Variants in KIF5C observed in about 807,000 individuals in gnomAD.
KIF5C encodes kinesin heavy chain isoform 5C.
A neutral mutation model predicts 125.2 loss-of-function variants in KIF5C; 18 were observed. The observed-to-expected ratio is 0.14, with a 90% CI of 0.10 to 0.21. The LOEUF is 0.21. KIF5C is among the 10% of genes least tolerant of loss of function. The pLI, the probability that KIF5C is intolerant of heterozygous loss-of-function variation, is 1.00. For synonymous variants in KIF5C, 405 were observed against 434.0 expected, an observed-to-expected ratio of 0.93 and a Z score of 0.83; for missense variants, 780 against 1,183.8, an observed-to-expected ratio of 0.66 and a Z score of 5.01.
At chr2:148,937,216 G>C in intron 3 of KIF5C, 68 bp from the exon 4 acceptor site, 1 of 1,534,158 alleles carries the variant, frequency 6.5e-7, no homozygotes, top group African/African-American at 1.4e-5. Flanking sequence ...CCCAGAGATG[G>C]TTCTCCCTCT....
In KIF5C at chr2:148,876,219, G is replaced by C. The variant is rs532481203; in HGVS notation, c.126+476G>C. Among the ~76,000 whole-genome samples the C allele has an allele frequency of 6.6e-6, 1 of 152,332 alleles. No individual in the cohort carries two copies. Among genetic ancestry groups the C allele is most frequent in the African/African-American group, 2.4e-5 (1 of 41,590 alleles). On this transcript the variant is annotated intron_variant, in intron 1 of 25. Coordinates refer to ENST00000435030, the MANE Select transcript of KIF5C (RefSeq NM_004522.3). This position sits in a 1 kb window ranked among gnomAD's most constrained non-coding sequence, Gnocchi z 4.7. ...CCCTAGCAAAAAAGAAAGAAAAAGG[G>C]GTACAGGAAAATTTCTAGTCGCGTC...
intron 3 of KIF5C, among the ~76,000 whole-genome samples, chr2:148,933,721 C>T (rs960494177): frequency 6.6e-6 from 1 of 150,890 alleles, no homozygotes. Context: ...ATGCACCACA[C>T]ACCACGCCTC....
At chr2:149,012,481 C>T (rs2105203646) in intron 25 of KIF5C, among the ~76,000 whole-genome samples, 1 of 152,318 alleles carries the variant, frequency 6.6e-6, no homozygotes, top group Middle Eastern at 3.4e-3. Context: ...GTAGCTGGCT[C>T]CCAAGGCAGG....
intron 4 of KIF5C, 44 bp from the exon 5 acceptor site, chr2:148,941,566 A>G (rs1422804610): frequency 6.5e-7 from 1 of 1,550,364 alleles, no homozygotes; most frequent in Middle Eastern, 1.8e-4. Flanking sequence ...TTTTTGAAAT[A>G]CACTGCGGCA....
rs139631575 is a variant in KIF5C at position 148,914,238 on chromosome 2, A to G, written c.127-7899A>G. On this transcript the variant is annotated intron_variant, in intron 1 of 25. Transcript: ENST00000435030. ...CCCCTGTAGGTAAGGGTACACAGCAATCAAAGGCGAAAGAGCTTGGGGGTG... is the reference window on the plus strand; with the variant it reads ...CCCCTGTAGGTAAGGGTACACAGCAGTCAAAGGCGAAAGAGCTTGGGGGTG... Among the ~76,000 whole-genome samples, 211 of 152,292 alleles carry G rather than the reference A, an allele frequency of 1.4e-3. 1 individual carries two copies. Among genetic ancestry groups the G allele is most frequent in the African/African-American group, 5.0e-3 (207 of 41,564 alleles).
intron 1 of KIF5C, among the ~76,000 whole-genome samples, chr2:148,916,511 T>C (rs1319062399): frequency 6.6e-6 from 1 of 152,170 alleles, no homozygotes; most frequent in Non-Finnish European, 1.5e-5. Context: ...GTGAGGATAA[T>C]AGGATGTCAA....
intron 25 of KIF5C, among the ~76,000 whole-genome samples, chr2:149,021,542 A>C (rs2105215696): frequency 6.6e-6 from 1 of 152,266 alleles, no homozygotes; most frequent in South Asian, 2.1e-4. Flanking sequence ...TGATTTATGC[A>C]AAATATGTGA....
intron 14 of KIF5C, among the ~76,000 whole-genome samples, chr2:148,982,417 G>A (rs1445779641): frequency 2.0e-5 from 3 of 152,224 alleles, no homozygotes; most frequent in Non-Finnish European, 4.4e-5. Flanking sequence ...CCAATGGCCT[G>A]GTGTCCTGGG....
In KIF5C at chr2:148,973,488, C is replaced by T; in HGVS notation, c.1270C>T (p.Leu424Phe). ...KEKYDEEISSLYRQLDDKDDE... is the reference protein window; with the variant it reads ...KEKYDEEISSFYRQLDDKDDE... ...GAAGTACGATGAGGAGATCTCCAGTCTCTACAGACAACTGGATGACAAGGT... is the reference window on the plus strand; with the variant it reads ...GAAGTACGATGAGGAGATCTCCAGTTTCTACAGACAACTGGATGACAAGGT... The change falls in exon 12 of 26, where the codon CTC becomes TTC. Residue 424 changes from leucine (L) to phenylalanine (F), a missense_variant. Physicochemically the swap from Leu to Phe is conservative, Grantham distance 22. Coordinates refer to ENST00000435030, the MANE Select transcript of KIF5C (RefSeq NM_004522.3). 6.2e-7 allele frequency: 1 copy of T among 1,611,774 alleles called. No homozygotes were observed. The highest frequency in any genetic ancestry group is 1.1e-5 in the South Asian group (1 of 90,486).
At chr2:148,942,895 G>T in intron 7 of KIF5C, 135 bp downstream of exon 7, 3 of 1,444,450 alleles carry the variant, frequency 2.1e-6, no homozygotes, top group Non-Finnish European at 1.9e-6. Flanking sequence ...CTCGGACACA[G>T]ACGCCAGGGT....
intron 12 of KIF5C, among the ~76,000 whole-genome samples, chr2:148,976,476 G>T (rs948825769): frequency 1.3e-5 from 2 of 151,196 alleles, no homozygotes; most frequent in Non-Finnish European, 2.9e-5. Flanking sequence ...CACCATCTTG[G>T]CCAGGATGGT....
intron 11 of KIF5C, among the ~76,000 whole-genome samples, chr2:148,966,231 C>T (rs1683045989): frequency 1.3e-5 from 2 of 152,120 alleles, no homozygotes; most frequent in Non-Finnish European, 2.9e-5. Flanking sequence ...CAATTGTGTG[C>T]AGTCTCCTGG....
intron 10 of KIF5C, among the ~76,000 whole-genome samples, chr2:148,953,309 G>A (rs993886259): frequency 3.3e-5 from 5 of 152,196 alleles, no homozygotes; most frequent in Admixed American, 1.3e-4. Context: ...ATGCCATTAC[G>A]TCCAGAAGTT....
rs1255623765 is a variant in KIF5C, at chr2:149,024,452, T to G, written c.*1382T>G. On this transcript the variant is annotated 3_prime_UTR_variant, in exon 26 of 26. Transcript: ENST00000435030. The stretch of plus-strand genomic sequence containing the variant: ...TGCCCTGAAGCTTTCACCACTGTAA[T>G]GAAATATATGCCAGGGGAGACTTTG... 6.6e-6 allele frequency: 1 copy of G among 151,942 alleles called. No individual in the cohort carries two copies. The highest frequency in any genetic ancestry group is 1.5e-5 in the Non-Finnish European group (1 of 68,102). 9.4% of individuals were successfully genotyped at this position (151,942 alleles called of 1,614,324 possible).
chr2:148,898,214 T>C (rs1294134794), intron 1 of KIF5C, among the ~76,000 whole-genome samples: 1 of 152,120 alleles, frequency 6.6e-6, no homozygotes, highest in African/African-American at 2.4e-5. Context: ...AGTCCTAGAT[T>C]GAGAGGCTCT....
chr2:148,934,800 C>G (rs1682258139), intron 3 of KIF5C, among the ~76,000 whole-genome samples: 1 of 151,958 alleles, frequency 6.6e-6, no homozygotes, highest in African/African-American at 2.4e-5. Context: ...CACACGCCCC[C>G]ACACACGCAG....
At chr2:148,901,210 T>G (rs1459254022) in intron 1 of KIF5C, among the ~76,000 whole-genome samples, 1 of 152,210 alleles carries the variant, frequency 6.6e-6, no homozygotes, top group African/African-American at 2.4e-5. Flanking sequence ...AAGCTTTCCA[T>G]GTACTGATAT....
chr2:148,946,821 G>A (rs889972476), intron 7 of KIF5C, 78 bp from the exon 8 acceptor site: 3 of 1,579,634 alleles, frequency 1.9e-6, no homozygotes, highest in African/African-American at 2.7e-5. Context: ...GGCATGACTT[G>A]TTATGCTTTT....
At chr2:149,009,473 G>T (rs551905810) in intron 23 of KIF5C, among the ~76,000 whole-genome samples, 44 of 152,256 alleles carry the variant, frequency 2.9e-4, no homozygotes, top group Admixed American at 5.2e-4. Context: ...TAGTACACTT[G>T]TGTTATAGAT....
Sources: allele counts gnomAD v4.1 joint callset (sites outside exome capture counted in the v4.1 genomes callset), GRCh38; gene constraint gnomAD v4.1.1; non-coding constraint Gnocchi (gnomAD v3.1); transcripts MANE v1.5; gene names NCBI Gene and HGNC (gene_info 2026-07-23, HGNC 2026-07-21).